Variants in PRKRA observed in about 807,000 individuals in gnomAD.
PRKRA encodes the protein interferon-inducible double-stranded RNA-dependent protein kinase activator A.
In PRKRA, 22 loss-of-function variants were observed where a neutral mutation model predicts 32.4. The ratio of observed to expected loss-of-function variants is 0.68; its 90% CI spans 0.49 to 0.97. The LOEUF (loss-of-function observed/expected upper bound fraction) is 0.97, where lower values mean the gene tolerates loss of function less well. Ranked by LOEUF, PRKRA falls within the 50% of genes least tolerant of loss-of-function variation. PRKRA has a pLI of 0.00. For synonymous variants in PRKRA, 139 were observed against 129.8 expected, an observed-to-expected ratio of 1.07 and a Z score of -0.48; for missense variants, 319 against 375.6, an observed-to-expected ratio of 0.85 and a Z score of 1.25.
At chr2:178,447,666 C>A in intron 2 of PRKRA, 80 bp from the exon 3 acceptor site, 2 of 1,232,130 alleles carry the variant, frequency 1.6e-6, no homozygotes, top group Non-Finnish European at 1.1e-6. Context: ...ATACACAAAA[C>A]AAAGTCACTA....
At chr2:178,448,707 T>G (rs1697414292) in intron 2 of PRKRA, among the ~76,000 whole-genome samples, 1 of 152,170 alleles carries the variant, frequency 6.6e-6, no homozygotes, top group Non-Finnish European at 1.5e-5. Context: ...GATGGTGGCC[T>G]AGGCAGTAGC....
chr2:178,450,885 C>A, intron 1 of PRKRA, 81 bp downstream of exon 1: 1 of 1,246,048 alleles, frequency 8.0e-7, no homozygotes, highest in Non-Finnish European at 1.0e-6. Context: ...CCCAGAATGC[C>A]TCTGGAGGGC....
In PRKRA at chr2:178,451,044, G is replaced by A. The variant is rs181793341; in HGVS notation, c.-14C>T. The A allele has an allele frequency of 4.0e-4, 621 of 1,554,112 alleles. 8 individuals are homozygous for A. The East Asian group carries it at 0.01, about 26-fold the overall frequency. On this transcript the variant is annotated 5_prime_UTR_variant, in exon 1 of 8. Coordinates refer to ENST00000325748, the MANE Select transcript of PRKRA (RefSeq NM_003690.5). ...GCTCTGGGACATGGCGAGAAGGGAC[G>A]GCTCAGCGGCTGGAGGAAGAGCGGT...
chr2:178,441,814 ATATAC>A (rs1342444340), intron 5 of PRKRA, 110 bp from the exon 6 acceptor site: 1 of 875,908 alleles, frequency 1.1e-6, no homozygotes, highest in East Asian at 2.6e-5. Context: ...GGTTTTTATT[ATATAC>A]TAGACTATGT....
intron 5 of PRKRA, 101 bp downstream of exon 5, chr2:178,443,158 GTATCAATT>G: frequency 1.7e-6 from 1 of 587,170 alleles, no homozygotes; most frequent in Non-Finnish European, 3.0e-6. Flanking sequence ...AAAGAGGAGT[GTATCAATT>G]TTTCTGCATA....
At chr2:178,450,160 G>A in intron 2 of PRKRA, 82 bp downstream of exon 2, 1 of 1,290,096 alleles carries the variant, frequency 7.8e-7, no homozygotes, top group South Asian at 1.4e-5. Context: ...CTGGCAAAAA[G>A]AGAACTTTTC....
intron 6 of PRKRA, among the ~76,000 whole-genome samples, chr2:178,436,620 T>C (rs976102824): frequency 9.2e-5 from 14 of 152,156 alleles, no homozygotes; most frequent in Non-Finnish European, 1.6e-4. Flanking sequence ...GTACAAGATA[T>C]CTGGAAGCAC....
chr2:178,441,810 T>C, intron 5 of PRKRA, 106 bp from the exon 6 acceptor site: 1 of 685,808 alleles, frequency 1.5e-6, no homozygotes, highest in Non-Finnish European at 2.4e-6. Context: ...TCACGGTTTT[T>C]ATTATATACT....
intron 6 of PRKRA, chr2:178,438,845 AT>A (rs1006959159): frequency 3.9e-4 from 57 of 146,396 alleles, no homozygotes; most frequent in Non-Finnish European, 4.5e-4. Flanking sequence ...GGCCCGGCTA[AT>A]TTTTTTTTTT....
rs541967522 is a variant in PRKRA at position 178,441,025 on chromosome 2, C to T, written c.609+585G>A. The stretch of plus-strand genomic sequence containing the variant: ...ATGTTTCACTCCTGGCCTTTGCACA[C>T]GCTTTTTCTTCTCTCTGGAATTCTT... On this transcript the variant is annotated intron_variant, in intron 6 of 7. Transcript: ENST00000325748. 6.6e-5 allele frequency among the ~76,000 whole-genome samples: 10 copies of T among 152,310 alleles called. 1 individual carries two copies. Among genetic ancestry groups the T allele is most frequent in the East Asian group, 5.8e-4 (3 of 5,186 alleles).
chr2:178,441,887 CTTTT>C (rs541455452), intron 5 of PRKRA, among the ~76,000 whole-genome samples, 183 bp from the exon 6 acceptor site: 2 of 131,738 alleles, frequency 1.5e-5, no homozygotes, highest in African/African-American at 2.9e-5. Flanking sequence ...GCTATTAATT[CTTTT>C]TTTTTTTTTT....
At chr2:178,443,242 G>T in intron 5 of PRKRA, 25 bp downstream of exon 5, 1 of 1,520,796 alleles carries the variant, frequency 6.6e-7, no homozygotes, top group Non-Finnish European at 9.1e-7. Flanking sequence ...TATTTCAAAT[G>T]CCTTTAATTG....
At chr2:178,444,870 G>A (rs888280125) in intron 3 of PRKRA, among the ~76,000 whole-genome samples, 5 of 152,172 alleles carry the variant, frequency 3.3e-5, no homozygotes, top group African/African-American at 1.2e-4. Context: ...TAAGCTCCTT[G>A]AGGTAGGGCC....
Position 178,441,715 on chromosome 2 carries a change from A to G in PRKRA, c.515-11T>C, listed in dbSNP as rs958047780. 5 of 1,568,336 alleles carry G rather than the reference A, an allele frequency of 3.2e-6. No homozygotes were observed. The African/African-American group carries it at 7.3e-5, about 23-fold the overall frequency. Reference sequence around the variant, plus strand: ...TTGATGCCCCCTTTCCTGAACAAAGAAAAAGAAATGGTAGATTTAGAAAAG... The same window carrying G: ...TTGATGCCCCCTTTCCTGAACAAAGGAAAAGAAATGGTAGATTTAGAAAAG... On this transcript the variant is annotated splice_polypyrimidine_tract_variant and intron_variant, in intron 5 of 7. Coordinates refer to ENST00000325748, the MANE Select transcript of PRKRA (RefSeq NM_003690.5).
At position 178,450,267 on chromosome 2, in the gene PRKRA, T is replaced by A. The variant is rs1442898708; in HGVS notation, c.210A>T (p.Val70=). Residue 70 remains valine (V), a synonymous_variant, in exon 2 of 8, where the codon GTA becomes GTT. Transcript: ENST00000325748. ...QIHVPTFTFR[V]TVGDITCTGE... is the part of the protein sequence containing the mutation. ...CTGTGCAGGTTATGTCACCAACGGT[T>A]ACTCTGAAGGTGAAAGTGGGCACGT... 1 of 1,614,286 alleles carries A rather than the reference T, an allele frequency of 6.2e-7. No homozygotes were observed. The highest frequency in any genetic ancestry group is 1.1e-5 in the South Asian group (1 of 91,090).
intron 7 of PRKRA, among the ~76,000 whole-genome samples, chr2:178,432,779 A>T (rs566694139): frequency 5.6e-4 from 85 of 152,312 alleles, no homozygotes; most frequent in South Asian, 1.0e-3. Context: ...AAAAATGTTT[A>T]ATTGATACAT....
chr2:178,438,102 C>T (rs551737058), intron 6 of PRKRA, among the ~76,000 whole-genome samples: 1 of 152,154 alleles, frequency 6.6e-6, no homozygotes, highest in Non-Finnish European at 1.5e-5. Flanking sequence ...TCTTAATTTA[C>T]AGATTTTTTG....
intron 4 of PRKRA, chr2:178,443,749 T>C (rs1255561008): frequency 4.4e-6 from 1 of 227,248 alleles, no homozygotes; most frequent in Non-Finnish European, 8.9e-6. Flanking sequence ...CTCCTAGCTA[T>C]AGACTTCCAA....
intron 3 of PRKRA, chr2:178,445,286 G>A (rs1697275429): frequency 6.6e-6 from 1 of 152,098 alleles, no homozygotes; most frequent in Non-Finnish European, 1.5e-5. Flanking sequence ...GCATTTCAAG[G>A]TTAGTACCAC....
Sources: gnomAD v4.1 joint callset for allele counts (sites outside exome capture counted in the v4.1 genomes callset) on GRCh38, gnomAD v4.1.1 for gene constraint, MANE v1.5 for transcripts, NCBI Gene and HGNC (gene_info 2026-07-23, HGNC 2026-07-21) for gene names.